The following LINC00632 variants were observed in gnomAD, a reference collection of about 807,000 sequenced individuals.
LINC00632 encodes the protein long independently transcribed non-coding RNA 632, also known as ALDOA related specific transcript.
intron 2 of LINC00632, among the ~76,000 whole-genome samples, chrX:140,732,522 A>G (rs1931075757): frequency 8.9e-6 from 1 of 111,872 alleles, no homozygotes; most frequent in South Asian, 3.7e-4. Context: ...GTTGGCATGC[A>G]CATATCCACA....
At chrX:140,744,496 T>C (rs1409812783) in intron 3 of LINC00632, among the ~76,000 whole-genome samples, 2 of 102,672 alleles carry the variant, frequency 1.9e-5, no homozygotes, top group African/African-American at 3.6e-5. Flanking sequence ...AGATGGATGA[T>C]TGTCATCTGT....
chrX:140,763,231 A>G (rs955371125), intron 3 of LINC00632, among the ~76,000 whole-genome samples: 2 of 110,487 alleles, frequency 1.8e-5, no homozygotes, highest in African/African-American at 6.6e-5. Context: ...CCCCGTCTCT[A>G]TTAAAACAAA....
chrX:140,716,757 C>T (rs1001660409), intron 2 of LINC00632, among the ~76,000 whole-genome samples: 1 of 102,255 alleles, frequency 9.8e-6, no homozygotes, highest in African/African-American at 3.6e-5. Context: ...CAACCTCACC[C>T]CACAAGGCAC....
intron 2 of LINC00632, chrX:140,712,290 G>C (rs1036519222): frequency 9.3e-6 from 1 of 107,996 alleles, no homozygotes; most frequent in Non-Finnish European, 1.9e-5. Context: ...TAAAATTAAG[G>C]AATCCAAATA....
At position 140,755,191 on chromosome X, in the gene LINC00632, G is replaced by A. The variant is rs189475527; in HGVS notation, n.192-16887G>A. On this transcript the variant is annotated intron_variant and non_coding_transcript_variant, in intron 3 of 4. Coordinates refer to ENST00000648200, the Ensembl canonical transcript of LINC00632. ...CACTACAGGTGCTTGAAAAAGAGGTGCTGAGCTACTGTGATCATGAATGTC... is the reference window on the plus strand; with the variant it reads ...CACTACAGGTGCTTGAAAAAGAGGTACTGAGCTACTGTGATCATGAATGTC... 2.6e-3 allele frequency among the ~76,000 whole-genome samples: 288 copies of A among 112,230 alleles called. 1 individual carries two copies. Among genetic ancestry groups the A allele is most frequent in the African/African-American group, 8.9e-3 (274 of 30,941 alleles).
intron 3 of LINC00632, among the ~76,000 whole-genome samples, chrX:140,737,728 T>C (rs760116799): frequency 1.2e-4 from 13 of 112,049 alleles, no homozygotes; most frequent in Non-Finnish European, 1.9e-4. Flanking sequence ...ACTGTTTGTC[T>C]TTTTGTGCCT....
At chrX:140,733,063 G>A (rs1050739231) in intron 2 of LINC00632, among the ~76,000 whole-genome samples, 2 of 112,280 alleles carry the variant, frequency 1.8e-5, no homozygotes, top group Admixed American at 9.5e-5. Context: ...GCGCCCAGCC[G>A]AGGCTGTGAC....
chrX:140,748,713 G>A (rs1195933428), intron 3 of LINC00632, among the ~76,000 whole-genome samples: 2 of 108,577 alleles, frequency 1.8e-5, no homozygotes, highest in Admixed American at 1.0e-4. Flanking sequence ...ATTTGCTGTG[G>A]CTTCTTCACA....
chrX:140,767,802 A>G (rs981213378), intron 3 of LINC00632, among the ~76,000 whole-genome samples: 2 of 111,646 alleles, frequency 1.8e-5, no homozygotes, highest in African/African-American at 3.3e-5. Flanking sequence ...GGGACTGACA[A>G]TTGGCAAGGG....
intron 2 of LINC00632, among the ~76,000 whole-genome samples, chrX:140,712,857 G>C (rs773839991): frequency 1.0e-5 from 1 of 98,786 alleles, no homozygotes; most frequent in African/African-American, 3.6e-5. Context: ...TTCTGGGGGG[G>C]AAAAAAAAGG....
intron 3 of LINC00632, among the ~76,000 whole-genome samples, chrX:140,764,165 CTT>C (rs747203880): frequency 2.5e-3 from 280 of 110,721 alleles, no homozygotes; most frequent in Middle Eastern, 4.6e-3. Flanking sequence ...TGCCTCGTGA[CTT>C]TTCACGACAG....
At chrX:140,742,870 A>AGAGAGAGAGG (rs1931251108) in intron 3 of LINC00632, among the ~76,000 whole-genome samples, 1 of 95,535 alleles carries the variant, frequency 1.0e-5, no homozygotes, top group African/African-American at 4.0e-5. Context: ...AGAGAGAGAG[A>AGAGAGAGAGG]GAGAGAGAGG....
At chrX:140,780,452 A>C (rs1170792039) in exon 5 of LINC00632, among the ~76,000 whole-genome samples, 1 of 111,944 alleles carries the variant, frequency 8.9e-6, no homozygotes, top group Non-Finnish European at 1.9e-5. Context: ...TTATGCTATA[A>C]TGTGGTTATC....
intron 3 of LINC00632, among the ~76,000 whole-genome samples, chrX:140,762,690 C>T (rs1256989720): frequency 2.7e-5 from 3 of 112,125 alleles, no homozygotes; most frequent in Non-Finnish European, 5.6e-5. Flanking sequence ...AGCAGAAAAG[C>T]AGCTTGAGAC....
chrX:140,763,043 T>C (rs1172456403), intron 3 of LINC00632, among the ~76,000 whole-genome samples: 1 of 111,759 alleles, frequency 8.9e-6, no homozygotes, highest in Non-Finnish European at 1.9e-5. Context: ...TAAAAATCCA[T>C]GTGATATTTT....
intron 3 of LINC00632, among the ~76,000 whole-genome samples, chrX:140,756,853 C>G (rs768102210): frequency 5.4e-5 from 6 of 111,210 alleles, no homozygotes; most frequent in Middle Eastern, 4.7e-3. Context: ...ATTTAACTGC[C>G]ATTTTGACAA....
At chrX:140,740,174 C>T (rs1193739127) in intron 3 of LINC00632, among the ~76,000 whole-genome samples, 2 of 111,526 alleles carry the variant, frequency 1.8e-5, no homozygotes, top group African/African-American at 6.5e-5. Flanking sequence ...GGTCTAGTAC[C>T]TCCATTGGGA....
intron 3 of LINC00632, among the ~76,000 whole-genome samples, chrX:140,743,208 G>A (rs1482381762): frequency 2.8e-5 from 2 of 70,454 alleles, no homozygotes; most frequent in African/African-American, 7.4e-5. Flanking sequence ...CTGGGCGACA[G>A]AGCAAAACGC....
chrX:140,719,171 A>G (rs1409251162), intron 2 of LINC00632, among the ~76,000 whole-genome samples: 4 of 112,211 alleles, frequency 3.6e-5, no homozygotes, highest in East Asian at 5.6e-4. Flanking sequence ...GTTTGACAAC[A>G]CAAATTAAAA....
Sources: gnomAD v4.1 joint callset for allele counts (sites outside exome capture counted in the v4.1 genomes callset) on GRCh38, gnomAD v4.1.1 for gene constraint, MANE v1.5 for transcripts, NCBI Gene and HGNC (gene_info 2026-07-23, HGNC 2026-07-21) for gene names.